The following NUP210 variants were observed in gnomAD, a reference collection of about 807,000 sequenced individuals.
NUP210 encodes the protein nucleoporin 210, also known as nuclear pore membrane glycoprotein 210.
In NUP210, 151 loss-of-function variants were observed where a neutral mutation model predicts 196.0. That is an observed-to-expected ratio of 0.77 (90% CI 0.67 to 0.88). The LOEUF (loss-of-function observed/expected upper bound fraction) is 0.88, where lower values mean the gene tolerates loss of function less well. NUP210 is among the 40% of genes least tolerant of loss of function. NUP210 has a pLI of 0.00. For missense variants in NUP210, 2,314 were observed against 2,493.7 expected, an observed-to-expected ratio of 0.93 and a Z score of 1.53; for synonymous variants, 1,070 against 1,052.7, an observed-to-expected ratio of 1.02 and a Z score of -0.32.
chr3:13,351,826 C>T (rs2124878163), intron 20 of NUP210, 53 bp downstream of exon 20: 3 of 1,151,150 alleles, frequency 2.6e-6, no homozygotes, highest in Non-Finnish European at 3.9e-6. Context: ...AACCACACAA[C>T]AGCCCAGATA....
chr3:13,378,179 G>A (rs1001982724), intron 8 of NUP210, among the ~76,000 whole-genome samples: 2 of 151,332 alleles, frequency 1.3e-5, no homozygotes, highest in Non-Finnish European at 2.9e-5. Flanking sequence ...CTGAACCCTC[G>A]GCAGGTCTAC....
intron 6 of NUP210, among the ~76,000 whole-genome samples, chr3:13,382,885 C>A (rs912948709): frequency 6.6e-6 from 1 of 152,092 alleles, no homozygotes; most frequent in Non-Finnish European, 1.5e-5. Flanking sequence ...CAACTCATGC[C>A]TATTATTCCA....
At chr3:13,349,342 GC>G (rs1221836566) in intron 20 of NUP210, among the ~76,000 whole-genome samples, 1 of 152,144 alleles carries the variant, frequency 6.6e-6, no homozygotes, top group Non-Finnish European at 1.5e-5. Flanking sequence ...TTCTTACCAT[GC>G]CCCCAGCTAC....
chr3:13,353,432 G>C (rs2280086), intron 18 of NUP210, 122 bp downstream of exon 18: 8 of 774,164 alleles, frequency 1.0e-5, no homozygotes, highest in South Asian at 4.6e-5. Flanking sequence ...AGGCTGGGGT[G>C]GGGGAGTGGT....
rs944938802 is a variant in NUP210 at position 13,348,583 on chromosome 3, C to T, written c.2835+3296G>A. On this transcript the variant is annotated intron_variant, in intron 20 of 39. Coordinates refer to ENST00000254508, the MANE Select transcript of NUP210 (RefSeq NM_024923.4). The surrounding 1 kb of genome is among the most constrained non-coding windows in gnomAD (Gnocchi z 4.0). ...ATTAAGATGTAAGATTCTCTTCACT[C>T]GCATGGCTGGAGGAAGAGCTGGGGA... 23 of 985,300 alleles carry T rather than the reference C, an allele frequency of 2.3e-5. No homozygotes were observed. Among genetic ancestry groups the T allele is most frequent in the African/African-American group, 1.4e-4 (8 of 57,234 alleles). The allele number at this position is 985,300 out of a possible 1,614,324, so 61.0% of individuals were successfully genotyped here. A position where few individuals can be genotyped will look rare whatever the true frequency, so the allele number is the denominator to read the frequency against.
At chr3:13,321,977 T>C in intron 35 of NUP210, 142 bp from the exon 36 acceptor site, 1 of 1,289,550 alleles carries the variant, frequency 7.8e-7, no homozygotes, top group South Asian at 1.4e-5. Flanking sequence ...GGAGTCCTCC[T>C]GGGAATCCCC....
chr3:13,367,239 C>A (rs1390758121), intron 13 of NUP210, among the ~76,000 whole-genome samples: 1 of 152,076 alleles, frequency 6.6e-6, no homozygotes, highest in Non-Finnish European at 1.5e-5. Context: ...GAGTTTGAGA[C>A]TAGCCTGACC....
At chr3:13,371,495 A>G (rs1698729590) in intron 13 of NUP210, among the ~76,000 whole-genome samples, 1 of 152,258 alleles carries the variant, frequency 6.6e-6, no homozygotes, top group Non-Finnish European at 1.5e-5. Context: ...AGAGGACCCT[A>G]GAATTAACCA....
At position 13,399,774 on chromosome 3, in the gene NUP210, G is replaced by A. The variant is rs1699774912; in HGVS notation, c.255C>T (p.Arg85=). The A allele has an allele frequency of 6.2e-7, 1 of 1,614,088 alleles. No individual in the cohort carries two copies. Among genetic ancestry groups the A allele is most frequent in the Non-Finnish European group, 8.5e-7 (1 of 1,180,004 alleles). ...TGGTGAGGCGGGCAGGCTGGGTCAG[G>A]CGGGCCTGCACCACTGCCTTCTGGG... is the stretch of plus-strand genomic sequence containing the variant. ...QCSQKAVVQA[R]LTQPARLTSI... The change falls in exon 2 of 40, where the codon CGC becomes CGT. Residue 85 remains arginine (R), a synonymous_variant. Transcript: ENST00000254508.
rs1182612231 is a variant in NUP210 at position 13,337,876 on chromosome 3, C to T, written c.3513G>A (p.Arg1171=). Residue 1171 remains arginine (R), a synonymous_variant, in exon 26 of 40, where the codon AGG becomes AGA. Coordinates refer to ENST00000254508, the MANE Select transcript of NUP210 (RefSeq NM_024923.4). ...TCATCCGCATGATGGGGGCGCGGAT[C>T]CTCACGGCCCTTAGCAGCAGCACCT... ...QVEVLLLRAV[R]IRAPIMRMRT... is the part of the protein sequence containing the mutation. 1.2e-6 allele frequency: 2 copies of T among 1,612,886 alleles called. No homozygotes were observed. The highest frequency in any genetic ancestry group is 4.5e-5 in the East Asian group (2 of 44,876).
intron 36 of NUP210, 141 bp downstream of exon 36, chr3:13,321,444 C>T (rs992594426): frequency 7.8e-6 from 7 of 899,074 alleles, no homozygotes; most frequent in South Asian, 1.8e-5. Flanking sequence ...GAAAAGAGTA[C>T]TTCAATTTAA....
intron 5 of NUP210, 142 bp downstream of exon 5, chr3:13,388,161 G>A (rs1699347850): frequency 1.6e-6 from 1 of 634,890 alleles, no homozygotes; most frequent in Admixed American, 3.0e-5. Context: ...ATAAAAATAT[G>A]AACCCACATC....
intron 1 of NUP210, among the ~76,000 whole-genome samples, chr3:13,419,312 G>T (rs1044359613): frequency 2.6e-5 from 4 of 152,180 alleles, no homozygotes; most frequent in Admixed American, 6.5e-5. Flanking sequence ...ATTTCCCCTG[G>T]TCTGCAAAAT....
chr3:13,396,718 C>G (rs1444887951), intron 3 of NUP210, among the ~76,000 whole-genome samples: 1 of 139,204 alleles, frequency 7.2e-6, no homozygotes, highest in Non-Finnish European at 1.5e-5. Flanking sequence ...CAAGATCGCA[C>G]CACTGCACTC....
Position 13,325,806 on chromosome 3 carries a change from TCCTCAG to T in NUP210, c.4627_4632del (p.Leu1543_Arg1544del), listed in dbSNP as rs759266219. The stretch of plus-strand genomic sequence containing the variant: ...TGCTTAGAGCCCACCTCCTTGTAGG[TCCTCAG>T]GTGCCCAGCGACCTCATAGTAAACC... On this transcript the variant is annotated inframe_deletion, in exon 33 of 40. Transcript: ENST00000254508. 6.2e-7 allele frequency: 1 copy of T among 1,613,724 alleles called. No homozygotes were observed.
chr3:13,360,902 CAAT>C (rs1377703485), intron 14 of NUP210, among the ~76,000 whole-genome samples: 1 of 152,214 alleles, frequency 6.6e-6, no homozygotes, highest in East Asian at 1.9e-4. Flanking sequence ...AAATAACCAA[CAAT>C]AATCTACAAT....
chr3:13,412,586 T>C (rs1363131683), intron 1 of NUP210, among the ~76,000 whole-genome samples: 3 of 151,760 alleles, frequency 2.0e-5, no homozygotes, highest in Non-Finnish European at 2.9e-5. Flanking sequence ...TGGTGGTGGA[T>C]GCCTGTAATC....
chr3:13,345,369 T>C (rs1697680881), intron 20 of NUP210, among the ~76,000 whole-genome samples: 2 of 152,152 alleles, frequency 1.3e-5, no homozygotes, highest in Non-Finnish European at 2.9e-5. Context: ...GAGCTGGGGA[T>C]AGAACCAAAT....
intron 1 of NUP210, among the ~76,000 whole-genome samples, chr3:13,416,364 G>A (rs761160586): frequency 3.9e-5 from 6 of 152,148 alleles, no homozygotes; most frequent in East Asian, 1.9e-4. Context: ...GCTGCAGGTC[G>A]TAATTCAAAA....
Sources: gnomAD v4.1 joint callset for allele counts (sites outside exome capture counted in the v4.1 genomes callset) on GRCh38, gnomAD v4.1.1 for gene constraint, Gnocchi (gnomAD v3.1) non-coding constraint, MANE v1.5 for transcripts, NCBI Gene and HGNC (gene_info 2026-07-23, HGNC 2026-07-21) for gene names.